The following TM4SF18 variants were observed in gnomAD, a reference collection of about 807,000 sequenced individuals.
TM4SF18 encodes the protein transmembrane 4 L six family member 18.
Under a neutral mutation model 23.8 loss-of-function variants are expected in TM4SF18, and 22 were observed. That is an observed-to-expected ratio of 0.92 (90% CI 0.66 to 1.32). The LOEUF is 1.32. Among genes scored for constraint, TM4SF18 ranks in the 40% most tolerant of loss-of-function variants. The pLI is 0.00. For missense variants in TM4SF18, 255 were observed against 240.3 expected, an observed-to-expected ratio of 1.06 and a Z score of -0.41; for synonymous variants, 87 against 87.9, an observed-to-expected ratio of 0.99 and a Z score of 0.06.
chr3:149,324,340 C>T (rs187075917), intron 4 of TM4SF18, among the ~76,000 whole-genome samples: 1 of 152,314 alleles, frequency 6.6e-6, no homozygotes, highest in African/African-American at 2.4e-5. Context: ...TCCACAAACT[C>T]CTGCACCTAA....
chr3:149,325,907 C>T (rs1330722869), intron 3 of TM4SF18, among the ~76,000 whole-genome samples: 1 of 152,096 alleles, frequency 6.6e-6, no homozygotes, highest in Non-Finnish European at 1.5e-5. Context: ...CTAGAATCAC[C>T]TACATGAATA....
intron 4 of TM4SF18, 101 bp from the exon 5 acceptor site, chr3:149,322,537 T>C: frequency 1.0e-6 from 1 of 962,602 alleles, no homozygotes; most frequent in African/African-American, 1.7e-5. Context: ...AATATATAGT[T>C]ATTAGATATG....
At chr3:149,332,469 A>G (rs1287869536) in intron 2 of TM4SF18, among the ~76,000 whole-genome samples, 1 of 152,206 alleles carries the variant, frequency 6.6e-6, no homozygotes, top group Admixed American at 6.5e-5. Flanking sequence ...ACACAAAGTC[A>G]TCAGGAAAAC....
rs759501091 is a variant in TM4SF18, at chr3:149,324,921, G to C, written c.369C>G (p.Thr123=). 9.9e-6 allele frequency: 16 copies of C among 1,614,032 alleles called. No individual in the cohort carries two copies. The highest frequency in any genetic ancestry group is 4.0e-5 in the African/African-American group (3 of 74,906). ...LGLVQGPYCR[T]LDGWEYAFEG... ...CAAAAGCATACTCCCAGCCATCAAG[G>C]GTGCGGCAATATGGCCCTTGGACAA... Residue 123 remains threonine (T), a synonymous_variant, in exon 4 of 6, where the codon ACC becomes ACG. Transcript: ENST00000296059.
Position 149,331,233 on chromosome 3 carries a change from A to G in TM4SF18, c.178-814T>C, listed in dbSNP as rs542595769. Reference sequence around the variant, plus strand: ...TTCGTAGCCAATGTTTCTAGTTTCCAAATTTCTTCAGCTTTCATTAATTTT... The same window carrying G: ...TTCGTAGCCAATGTTTCTAGTTTCCGAATTTCTTCAGCTTTCATTAATTTT... On this transcript the variant is annotated intron_variant, in intron 2 of 5. Coordinates refer to ENST00000296059, the MANE Select transcript of TM4SF18 (RefSeq NM_138786.4). Among the ~76,000 whole-genome samples the G allele has an allele frequency of 4.6e-5, 7 of 152,236 alleles. No homozygotes were observed. In the East Asian group the frequency reaches 1.4e-3, roughly 29 times the overall value.
chr3:149,325,163 A>T, intron 3 of TM4SF18, 141 bp from the exon 4 acceptor site: 1 of 712,534 alleles, frequency 1.4e-6, no homozygotes, highest in Non-Finnish European at 2.2e-6. Context: ...TAGAAATAAA[A>T]AAAAAAGTAA....
At chr3:149,330,503 ATAGAGTC>A in intron 2 of TM4SF18, 84 bp from the exon 3 acceptor site, 1 of 906,066 alleles carries the variant, frequency 1.1e-6, no homozygotes, top group South Asian at 1.7e-5. Context: ...GTCTTCAAGC[ATAGAGTC>A]TGGGGTCAGG....
chr3:149,326,325 A>T (rs1366988441), intron 3 of TM4SF18, among the ~76,000 whole-genome samples: 2 of 152,170 alleles, frequency 1.3e-5, no homozygotes, highest in African/African-American at 4.8e-5. Flanking sequence ...TCACAATTGA[A>T]TTCAAACATT....
rs2108359003 is a variant in TM4SF18 at position 149,322,228 on chromosome 3, G to A, written c.591+28C>T. 4 of 1,586,884 alleles carry A rather than the reference G, an allele frequency of 2.5e-6. No individual in the cohort carries two copies. In the East Asian group the frequency reaches 9.1e-5, roughly 36 times the overall value. On this transcript the variant is annotated intron_variant, in intron 5 of 5. Transcript: ENST00000296059. ...TGGGAAGTGGGGGAAATATGGATGA[G>A]CTACAGGTGCCCATGAGAATCTGTT...
intron 3 of TM4SF18, among the ~76,000 whole-genome samples, chr3:149,327,151 T>A (rs892835381): frequency 6.6e-5 from 10 of 152,338 alleles, no homozygotes; most frequent in African/African-American, 2.4e-4. Flanking sequence ...GGTTTCACCA[T>A]GTTGGCCAGG....
At chr3:149,323,943 A>C (rs1234152091) in intron 4 of TM4SF18, among the ~76,000 whole-genome samples, 1 of 152,210 alleles carries the variant, frequency 6.6e-6, no homozygotes, top group Non-Finnish European at 1.5e-5. Flanking sequence ...AAAAATCTTC[A>C]GAATGAAGGC....
Position 149,320,022 on chromosome 3 carries a change from A to C in TM4SF18, c.*1456T>G, listed in dbSNP as rs1730770115. On this transcript the variant is annotated 3_prime_UTR_variant, in exon 6 of 6. Coordinates refer to ENST00000296059, the MANE Select transcript of TM4SF18 (RefSeq NM_138786.4). ...TTGCTTTCAAGATGCTTGTTTCAGC[A>C]AAGGCTGTGAACAAGGCTTAAAGGG... The C allele has an allele frequency of 1.3e-5, 2 of 152,306 alleles. No individual in the cohort carries two copies. The highest frequency in any genetic ancestry group is 4.1e-4 in the South Asian group (2 of 4,836). The allele number at this position is 152,306 out of a possible 1,614,324, so 9.4% of individuals were successfully genotyped here. A position where few individuals can be genotyped will look rare whatever the true frequency, so the allele number is the denominator to read the frequency against.
intron 5 of TM4SF18, among the ~76,000 whole-genome samples, chr3:149,321,891 A>G (rs187207221): frequency 1.8e-4 from 27 of 152,350 alleles, no homozygotes; most frequent in Admixed American, 1.5e-3. Flanking sequence ...TCAATGAGAT[A>G]AGGTTCTGAG....
In TM4SF18 at chr3:149,319,796, T is replaced by C. The variant is rs1290724111; in HGVS notation, c.*1682A>G. 6.6e-6 allele frequency: 1 copy of C among 152,276 alleles called. No homozygotes were observed. The highest frequency in any genetic ancestry group is 2.4e-5 in the African/African-American group (1 of 41,466). The allele number at this position is 152,276 out of a possible 1,614,324, so 9.4% of individuals were successfully genotyped here. ...TCATCCTTTAATCATTTTTTGATGG[T>C]AATGGTCCGGTTGCTTCATTCTTGG... On this transcript the variant is annotated 3_prime_UTR_variant, in exon 6 of 6. Transcript: ENST00000296059.
intron 3 of TM4SF18, among the ~76,000 whole-genome samples, chr3:149,328,870 C>A (rs1246377742): frequency 6.6e-6 from 1 of 152,180 alleles, no homozygotes; most frequent in African/African-American, 2.4e-5. Context: ...CTTTCTCCTG[C>A]TGTTCCCAAT....
intron 2 of TM4SF18, among the ~76,000 whole-genome samples, chr3:149,331,581 T>C (rs1731088088): frequency 6.6e-6 from 1 of 152,326 alleles, no homozygotes; most frequent in South Asian, 2.1e-4. Context: ...CATTACAATA[T>C]TGATAGAGAT....
Position 149,321,703 on chromosome 3 carries a change from T to C in TM4SF18, c.592-211A>G, listed in dbSNP as rs373793869. Among the ~76,000 whole-genome samples, 5 of 152,358 alleles carry C rather than the reference T, an allele frequency of 3.3e-5. No individual in the cohort carries two copies. The East Asian group carries it at 9.6e-4, about 29-fold the overall frequency. ...CTAAATTCATAATTTTTCTTCACTC[T>C]GGACTTCTTGATAGCAGTTTCAACC... On this transcript the variant is annotated intron_variant, in intron 5 of 5. Coordinates refer to ENST00000296059, the MANE Select transcript of TM4SF18 (RefSeq NM_138786.4).
Position 149,319,299 on chromosome 3 carries a change from A to G in TM4SF18, c.*2179T>C, listed in dbSNP as rs998403836. On this transcript the variant is annotated 3_prime_UTR_variant, in exon 6 of 6. Coordinates refer to ENST00000296059, the MANE Select transcript of TM4SF18 (RefSeq NM_138786.4). ...GGTCCTAGATATGACTAGCTTATGG[A>G]CTTGATAGAGAAATCCTGGGCTGTC... is the stretch of plus-strand genomic sequence containing the variant. The G allele has an allele frequency of 6.6e-6, 1 of 152,228 alleles. No individual in the cohort carries two copies. Among genetic ancestry groups the G allele is most frequent in the Non-Finnish European group, 1.5e-5 (1 of 68,060 alleles). The allele number at this position is 152,228 out of a possible 1,614,324, so 9.4% of individuals were successfully genotyped here. A position where few individuals can be genotyped will look rare whatever the true frequency, so the allele number is the denominator to read the frequency against.
intron 2 of TM4SF18, among the ~76,000 whole-genome samples, chr3:149,330,747 C>A (rs1277475064): frequency 6.6e-6 from 1 of 152,162 alleles, no homozygotes; most frequent in Non-Finnish European, 1.5e-5. Context: ...GAGAATACCA[C>A]CCTGGGCAGC....
Sources: gnomAD v4.1 joint callset for allele counts (sites outside exome capture counted in the v4.1 genomes callset) on GRCh38, gnomAD v4.1.1 for gene constraint, MANE v1.5 for transcripts, NCBI Gene and HGNC (gene_info 2026-07-23, HGNC 2026-07-21) for gene names.